IMPG1: variants seen among roughly 807,000 people sequenced by gnomAD.
IMPG1 encodes the protein interphotoreceptor matrix proteoglycan 1, also known as interphotoreceptor matrix proteoglycan of 150 kDa.
IMPG1 carries 85 observed loss-of-function variants against 92.0 expected under a neutral mutation model. That is an observed-to-expected ratio of 0.92 (90% confidence interval 0.78 to 1.11). IMPG1 has a LOEUF of 1.11. IMPG1 is among the 50% of genes least tolerant of loss of function. IMPG1 has a pLI of 0.00. For missense variants in IMPG1, 1,022 were observed against 956.0 expected (o/e 1.07, Z -0.91); for synonymous variants, 367 against 334.1 (o/e 1.10, Z -1.08).
At chr6:75,971,256 G>A (rs1782409643) in intron 12 of IMPG1, among the ~76,000 whole-genome samples, 8 of 148,090 alleles carry the variant, frequency 5.4e-5, no homozygotes, top group Middle Eastern at 3.6e-3. Flanking sequence ...CTCATAGGTG[G>A]GAATTGAACA....
At chr6:76,027,190 G>A (rs1783557133) in intron 4 of IMPG1, among the ~76,000 whole-genome samples, 1 of 152,224 alleles carries the variant, frequency 6.6e-6, no homozygotes, top group Admixed American at 6.5e-5. Flanking sequence ...TCATTAAAAT[G>A]TAAATAGGTG....
At chr6:76,060,251 T>C (rs1247528821) in intron 1 of IMPG1, among the ~76,000 whole-genome samples, 1 of 152,076 alleles carries the variant, frequency 6.6e-6, no homozygotes, top group Non-Finnish European at 1.5e-5. Flanking sequence ...AATGGGAAAA[T>C]ATTTATTGAC....
In IMPG1 at chr6:76,003,923, C is replaced by G; in HGVS notation, c.1163G>C (p.Gly388Ala). ...DEIAGSLPAF[G>A]PDTQSELPTS... ...GGGCAGCTCTGATTGGGTGTCAGGA[C>G]CAAAGGCTGGCAGTGATCCAGCAAT... is the stretch of plus-strand genomic sequence containing the variant. The change falls in exon 11 of 17, where the codon GGT becomes GCT. Residue 388 changes from glycine to alanine, a missense_variant. By Grantham distance (60) the Gly-to-Ala change is moderately conservative. Around this residue, in one of 3 missense-constraint regions of IMPG1, gnomAD observed 681 missense variants for 583.6 expected, o/e 1.17. Coordinates refer to ENST00000369950, the MANE Select transcript of IMPG1 (RefSeq NM_001563.4). The G allele has an allele frequency of 6.2e-7, 1 of 1,613,070 alleles. No individual in the cohort carries two copies. Among genetic ancestry groups the G allele is most frequent in the Non-Finnish European group, 8.5e-7 (1 of 1,179,604 alleles).
chr6:76,007,953 T>C (rs1047807913), intron 8 of IMPG1, among the ~76,000 whole-genome samples: 1 of 152,218 alleles, frequency 6.6e-6, no homozygotes, highest in Non-Finnish European at 1.5e-5. Flanking sequence ...ATAATTTATC[T>C]GAGGCAAAAC....
At position 75,982,321 on chromosome 6, in the gene IMPG1, T is replaced by A. The variant is rs187370926; in HGVS notation, c.1291+20597A>T. 2.6e-5 allele frequency among the ~76,000 whole-genome samples: 4 copies of A among 152,058 alleles called. No homozygotes were observed. In the East Asian group the frequency reaches 7.8e-4, roughly 29 times the overall value. ...ACTTTGGGAGGCCAAGGTGGGTGGA[T>A]CACAAGGTCAGGAGTTCGAGACCAG... On this transcript the variant is annotated intron_variant, in intron 12 of 16. Transcript: ENST00000369950.
chr6:76,003,827 T>C, intron 11 of IMPG1, 47 bp downstream of exon 11: 1 of 1,393,880 alleles, frequency 7.2e-7, no homozygotes, highest in Non-Finnish European at 1.0e-6. Context: ...GGTGGAAGGT[T>C]TTGAGACTTT....
chr6:75,953,486 T>G (rs1488091758), intron 12 of IMPG1, among the ~76,000 whole-genome samples: 2 of 152,026 alleles, frequency 1.3e-5, no homozygotes, highest in Non-Finnish European at 2.9e-5. Flanking sequence ...AACTCCCACT[T>G]ATGAGTGAGA....
intron 12 of IMPG1, among the ~76,000 whole-genome samples, chr6:75,985,485 GA>G (rs568138582): frequency 2.0e-5 from 3 of 151,334 alleles, no homozygotes; most frequent in African/African-American, 4.9e-5. Context: ...CATTAGAGAA[GA>G]AAAAAAATAG....
chr6:76,042,553 G>A (rs1443828233), intron 1 of IMPG1, among the ~76,000 whole-genome samples: 2 of 152,084 alleles, frequency 1.3e-5, no homozygotes, highest in African/African-American at 2.4e-5. Context: ...AAAACCTAGC[G>A]GAACAATGCA....
intron 12 of IMPG1, among the ~76,000 whole-genome samples, chr6:75,976,829 A>G (rs1159375574): frequency 6.6e-6 from 1 of 150,398 alleles, no homozygotes; most frequent in Non-Finnish European, 1.5e-5. Context: ...TGAGAATGGC[A>G]TGAACCCAGA....
chr6:75,975,643 A>G (rs1262926323), intron 12 of IMPG1, among the ~76,000 whole-genome samples: 1 of 152,248 alleles, frequency 6.6e-6, no homozygotes, highest in African/African-American at 2.4e-5. Flanking sequence ...CAATTTCAAC[A>G]TTACATTTTA....
At chr6:76,036,222 A>T (rs75913199) in intron 2 of IMPG1, among the ~76,000 whole-genome samples, 1 of 152,242 alleles carries the variant, frequency 6.6e-6, no homozygotes, top group East Asian at 1.9e-4. Context: ...GTCTCATTTT[A>T]GCAATGCACA....
At chr6:76,003,021 G>C in intron 11 of IMPG1, 25 bp from the exon 12 acceptor site, 1 of 1,559,866 alleles carries the variant, frequency 6.4e-7, no homozygotes, top group Non-Finnish European at 8.8e-7. Flanking sequence ...TTGCAAGACA[G>C]ATGTTGAGAA....
intron 14 of IMPG1, among the ~76,000 whole-genome samples, chr6:75,935,481 G>C (rs980746374): frequency 6.6e-6 from 1 of 152,222 alleles, no homozygotes; most frequent in Non-Finnish European, 1.5e-5. Context: ...GCGCTGGGGG[G>C]TCGACCCCGC....
At chr6:76,018,384 G>T (rs1254576417) in intron 7 of IMPG1, among the ~76,000 whole-genome samples, 1 of 152,136 alleles carries the variant, frequency 6.6e-6, no homozygotes, top group Non-Finnish European at 1.5e-5. Flanking sequence ...CATATGTTAG[G>T]CTACTATTGA....
chr6:76,034,446 C>G, intron 3 of IMPG1, 103 bp from the exon 4 acceptor site: 1 of 1,236,496 alleles, frequency 8.1e-7, no homozygotes, highest in Non-Finnish European at 1.2e-6. Context: ...ACACTTCAAC[C>G]TGACTGTACC....
At chr6:75,951,328 C>T (rs1782027643) in intron 12 of IMPG1, among the ~76,000 whole-genome samples, 1 of 151,840 alleles carries the variant, frequency 6.6e-6, no homozygotes, top group Non-Finnish European at 1.5e-5. Context: ...TTTATTCAGG[C>T]CCAGTAGTTC....
chr6:76,005,556 T>C, intron 9 of IMPG1, 22 bp from the exon 10 acceptor site: 9 of 1,609,890 alleles, frequency 5.6e-6, no homozygotes, highest in Non-Finnish European at 7.6e-6. Context: ...AGAGGACACA[T>C]TCCCCACCCA....
intron 16 of IMPG1, 26 bp from the exon 17 acceptor site, chr6:75,922,192 T>G (rs1281610824): frequency 1.0e-6 from 1 of 1,003,084 alleles, no homozygotes; most frequent in Admixed American, 2.0e-5. Flanking sequence ...TTTTAAGAAC[T>G]TAAGAAATGC....
Sources: gnomAD v4.1 joint callset for allele counts (sites outside exome capture counted in the v4.1 genomes callset) on GRCh38, gnomAD v4.1.1 for gene constraint, gnomAD v4.1.1 regional missense constraint, MANE v1.5 for transcripts, NCBI Gene and HGNC (gene_info 2026-07-23, HGNC 2026-07-21) for gene names.